The following NFIB variants were observed in gnomAD, a reference collection of about 807,000 sequenced individuals.
NFIB encodes nuclear factor I B.
NFIB carries 11 observed loss-of-function variants against 61.5 expected under a neutral mutation model. That is an observed-to-expected ratio of 0.18 (90% CI 0.11 to 0.30). The LOEUF is 0.30. Ranked by LOEUF, NFIB falls within the 10% of genes least tolerant of loss-of-function variation. The pLI is 1.00. For missense variants in NFIB, 471 were observed against 608.9 expected, an observed-to-expected ratio of 0.77 and a Z score of 2.38; for synonymous variants, 260 against 216.5, an observed-to-expected ratio of 1.20 and a Z score of -1.76.
chr9:14,231,135 A>AAAATATATATATATATATAT (rs55959148), intron 2 of NFIB, among the ~76,000 whole-genome samples: 1 of 35,344 alleles, frequency 2.8e-5, no homozygotes, highest in African/African-American at 1.0e-4. Context: ...AAAAAAAAAA[A>AAAATATATATATATATATAT]ATATATATAT....
chr9:14,258,116 T>G (rs1401636657), intron 2 of NFIB, among the ~76,000 whole-genome samples: 1 of 152,218 alleles, frequency 6.6e-6, no homozygotes, highest in African/African-American at 2.4e-5. Context: ...TGACTCGTAT[T>G]AGAACATGAA....
rs181727294 is a variant in NFIB at position 14,130,140 on chromosome 9, C to T, written c.926-4374G>A. On this transcript the variant is annotated intron_variant, in intron 6 of 10. Transcript: ENST00000380953. ...GAACCAAAAATTTTCTTCCTAGTCT[C>T]CTCCAGGCCTTCCTCTCCATGGCAC... is the stretch of plus-strand genomic sequence containing the variant. Among the ~76,000 whole-genome samples the T allele has an allele frequency of 3.2e-3, 481 of 152,250 alleles. 4 individuals are homozygous for T. The highest frequency in any genetic ancestry group is 7.5e-3 in the Admixed American group (115 of 15,298).
chr9:14,490,676 G>A, the NFIB span, among the ~76,000 whole-genome samples: 13 of 152,242 alleles, frequency 8.5e-5, no homozygotes, highest in Middle Eastern at 3.4e-3. Flanking sequence ...CAATGTGAAG[G>A]TTGAATATAC....
the NFIB span, among the ~76,000 whole-genome samples, chr9:14,458,437 T>C: frequency 6.6e-6 from 1 of 152,174 alleles, no homozygotes; most frequent in African/African-American, 2.4e-5. Flanking sequence ...TCTGGAAGCA[T>C]TCCCTTTGAA....
intron 6 of NFIB, among the ~76,000 whole-genome samples, chr9:14,128,316 A>C (rs2039951915): frequency 6.6e-6 from 1 of 152,218 alleles, no homozygotes; most frequent in South Asian, 2.1e-4. Flanking sequence ...CCTATGTTTA[A>C]ATATAAATTT....
chr9:14,100,505 G>C (rs947986819), intron 10 of NFIB, among the ~76,000 whole-genome samples: 1 of 152,012 alleles, frequency 6.6e-6, no homozygotes, highest in Admixed American at 6.6e-5. Flanking sequence ...TTAGGAGATC[G>C]AGACCATCCT....
chr9:14,462,268 T>C, the NFIB span, among the ~76,000 whole-genome samples: 4 of 150,758 alleles, frequency 2.7e-5, no homozygotes, highest in African/African-American at 9.7e-5. Flanking sequence ...TTCTTTTTTC[T>C]TTTTTTTCTT....
chr9:14,199,151 A>T (rs1278798763), intron 2 of NFIB, among the ~76,000 whole-genome samples: 1 of 152,230 alleles, frequency 6.6e-6, no homozygotes. Context: ...ACACAGAAGG[A>T]TTAAAAAGAA....
chr9:14,315,266 C>A (rs978165590), upstream of NFIB, among the ~76,000 whole-genome samples: 1 of 151,486 alleles, frequency 6.6e-6, no homozygotes, highest in Non-Finnish European at 1.5e-5. Flanking sequence ...GAGGCAGTCG[C>A]GGCGCGCGGC....
chr9:14,144,078 C>G (rs1000810329), intron 6 of NFIB, among the ~76,000 whole-genome samples: 11 of 148,208 alleles, frequency 7.4e-5, no homozygotes, highest in African/African-American at 2.7e-4. Context: ...TTCCTCTAAA[C>G]ATAATATGCC....
chr9:14,167,815 G>T (rs909071405), intron 3 of NFIB, among the ~76,000 whole-genome samples: 7 of 152,056 alleles, frequency 4.6e-5, no homozygotes, highest in African/African-American at 1.4e-4. Context: ...CTCATTCATG[G>T]TCAAGTGAAC....
At chr9:14,174,260 C>T (rs2045897433) in intron 3 of NFIB, among the ~76,000 whole-genome samples, 1 of 152,182 alleles carries the variant, frequency 6.6e-6, no homozygotes, top group African/African-American at 2.4e-5. Context: ...GATGTCAGGT[C>T]TTACCTGCCA....
At chr9:14,244,350 T>C (rs1430949027) in intron 2 of NFIB, among the ~76,000 whole-genome samples, 2 of 152,212 alleles carry the variant, frequency 1.3e-5, no homozygotes, top group East Asian at 1.9e-4. Flanking sequence ...TTAAAATATA[T>C]ACCATATACC....
intron 2 of NFIB, among the ~76,000 whole-genome samples, chr9:14,295,254 T>C (rs1588180443): frequency 6.6e-6 from 1 of 152,216 alleles, no homozygotes; most frequent in Non-Finnish European, 1.5e-5. Context: ...AGGTTTTGAC[T>C]CAACTAAGGG....
chr9:14,466,430 C>A, the NFIB span, among the ~76,000 whole-genome samples: 2 of 152,030 alleles, frequency 1.3e-5, no homozygotes, highest in Non-Finnish European at 2.9e-5. Context: ...TCTAGGAACA[C>A]GGCACTCTGG....
chr9:14,198,002 C>T (rs1291582349), intron 2 of NFIB, among the ~76,000 whole-genome samples: 2 of 152,136 alleles, frequency 1.3e-5, no homozygotes, highest in East Asian at 1.9e-4. Flanking sequence ...GTTGGGGCTA[C>T]GTTGAACTTT....
chr9:14,337,892 T>C lies in NFIB; in HGVS notation c.109-30372A>G, dbSNP rs116007218. On this transcript the variant is annotated intron_variant, in intron 1 of 8. Coordinates refer to the NFIB transcript ENST00000380934. ...ATGGGTTCCATTGTCTTGAAACCTT[T>C]CTGCTTATGAATTCTATGTTTTGTA... Among the ~76,000 whole-genome samples the C allele has an allele frequency of 9.7e-3, 1,472 of 152,344 alleles. 20 individuals carry two copies. Among genetic ancestry groups the C allele is most frequent in the African/African-American group, 0.033 (1,370 of 41,570 alleles).
At chr9:14,155,347 A>T (rs981399922) in intron 4 of NFIB, among the ~76,000 whole-genome samples, 11 of 152,286 alleles carry the variant, frequency 7.2e-5, no homozygotes, top group African/African-American at 2.6e-4. Flanking sequence ...CTTTCTATCT[A>T]TATCCAACTA....
At chr9:14,211,907 T>C (rs545473672) in intron 2 of NFIB, among the ~76,000 whole-genome samples, 2 of 152,316 alleles carry the variant, frequency 1.3e-5, no homozygotes, top group South Asian at 2.1e-4. Flanking sequence ...TTTAAAAGAT[T>C]AAAGCGTTTA....
Sources: gnomAD v4.1 joint callset for allele counts (sites outside exome capture counted in the v4.1 genomes callset) on GRCh38, gnomAD v4.1.1 for gene constraint, MANE v1.5 for transcripts, NCBI Gene and HGNC (gene_info 2026-07-23, HGNC 2026-07-21) for gene names.